SYTL1: variants seen among roughly 807,000 people sequenced by gnomAD.
SYTL1 encodes the protein synaptotagmin like 1, also known as synaptotagmin-like protein 1.
In SYTL1, 53 loss-of-function variants were observed where a neutral mutation model predicts 74.6. The ratio of observed to expected loss-of-function variants is 0.71; its 90% CI spans 0.57 to 0.89. SYTL1 has a LOEUF of 0.89. Among genes scored for constraint, SYTL1 ranks in the 40% least tolerant of loss-of-function variants. SYTL1 has a pLI of 0.00. For synonymous variants in SYTL1, 329 were observed against 324.9 expected (o/e 1.01, Z -0.14); for missense variants, 728 against 768.7 (o/e 0.95, Z 0.63).
chr1:27,350,158 G>A lies in SYTL1; in HGVS notation c.908+26G>A. On this transcript the variant is annotated intron_variant, in intron 9 of 14. Coordinates refer to ENST00000616558, the MANE Select transcript of SYTL1 (RefSeq NM_001193308.2). This position sits in a 1 kb window ranked among gnomAD's most constrained non-coding sequence, Gnocchi z 6.3. ...GTGAGTGCCCCGCCGGCCAAGCGGG[G>A]CGCGGCTGTCACAGCCCAGCCCACC... The A allele has an allele frequency of 7.1e-7, 1 of 1,417,414 alleles. No individual in the cohort carries two copies. The highest frequency in any genetic ancestry group is 9.2e-7 in the Non-Finnish European group (1 of 1,085,590). 87.8% of individuals were successfully genotyped at this position (1,417,414 alleles called of 1,614,324 possible). A position where few individuals can be genotyped will look rare whatever the true frequency, so the allele number is the denominator to read the frequency against.
chr1:27,351,072 A>C lies in SYTL1; in HGVS notation c.1164+120A>C. The stretch of plus-strand genomic sequence containing the variant: ...GACAGAACCTCCCCTCAACCTCTTA[A>C]CCTCATGGCCCCAGGCGAAGCCCGG... On this transcript the variant is annotated intron_variant, in intron 11 of 14. Transcript: ENST00000616558. The surrounding 1 kb of genome is among the most constrained non-coding windows in gnomAD (Gnocchi z 5.0). The C allele has an allele frequency of 2.2e-6, 3 of 1,359,874 alleles. No homozygotes were observed. Among genetic ancestry groups the C allele is most frequent in the Non-Finnish European group, 3.0e-6 (3 of 998,782 alleles). The allele number at this position is 1,359,874 out of a possible 1,614,324, so 84.2% of individuals were successfully genotyped here. A position where few individuals can be genotyped will look rare whatever the true frequency, so the allele number is the denominator to read the frequency against.
At position 27,347,624 on chromosome 1, in the gene SYTL1, G is replaced by C; in HGVS notation, c.340+55G>C. On this transcript the variant is annotated intron_variant, in intron 3 of 14. Transcript: ENST00000616558. This position sits in a 1 kb window ranked among gnomAD's most constrained non-coding sequence, Gnocchi z 4.9. Reference sequence around the variant, plus strand: ...CCATGTGCCGTCCAGGGCGCTGGCTGTATGTGGACAGGGAGAGAGGACCAC... The same window carrying C: ...CCATGTGCCGTCCAGGGCGCTGGCTCTATGTGGACAGGGAGAGAGGACCAC... 1.3e-6 allele frequency: 2 copies of C among 1,544,854 alleles called. No homozygotes were observed. The highest frequency in any genetic ancestry group is 1.8e-6 in the Non-Finnish European group (2 of 1,137,826).
chr1:27,350,083 G>A lies in SYTL1; in HGVS notation c.859G>A (p.Val287Met), dbSNP rs1346882249. 2.0e-6 allele frequency: 3 copies of A among 1,483,684 alleles called. No homozygotes were observed. The highest frequency in any genetic ancestry group is 2.7e-6 in the Non-Finnish European group (3 of 1,123,124). 91.9% of individuals were successfully genotyped at this position (1,483,684 alleles called of 1,614,324 possible). Residue 287 changes from valine to methionine, a missense_variant, in exon 9 of 15, where the codon GTG becomes ATG. By Grantham distance (21) the Val-to-Met change is conservative (BLOSUM62 1). Transcript: ENST00000616558. The surrounding 1 kb of genome is among the most constrained non-coding windows in gnomAD (Gnocchi z 6.3). Reference protein sequence around the residue: ...EPGAAELRVHVIQCQGLAAAR... With the variant: ...EPGAAELRVHMIQCQGLAAAR... Reference sequence around the variant, plus strand: ...GGGCGCCGCCGAGCTGCGCGTGCACGTGATCCAGTGCCAGGGCCTGGCCGC... The same window carrying A: ...GGGCGCCGCCGAGCTGCGCGTGCACATGATCCAGTGCCAGGGCCTGGCCGC...
Position 27,350,432 on chromosome 1 carries a change from A to G in SYTL1, c.952A>G (p.Lys318Glu). The change falls in exon 10 of 15, where the codon AAG (lysine) becomes GAG (glutamate). Residue 318 changes from lysine (K) to glutamate (E), a missense_variant. Transcript: ENST00000616558. The surrounding 1 kb of genome is among the most constrained non-coding windows in gnomAD (Gnocchi z 6.3). ...YLLPDKQSKR[K>E]TAVKKRNLNP... The stretch of plus-strand genomic sequence containing the variant: ...CCTCCCGGATAAGCAGAGCAAGCGC[A>G]AGACGGCGGTGAAGAAACGGAATCT... The G allele has an allele frequency of 1.2e-6, 2 of 1,614,152 alleles. No homozygotes were observed. The highest frequency in any genetic ancestry group is 1.1e-5 in the South Asian group (1 of 91,090).
rs778162552 is a variant in SYTL1, at chr1:27,351,409, G to T, written c.1244-47G>T. 2.5e-4 allele frequency: 380 copies of T among 1,504,528 alleles called. 3 individuals carry two copies. The highest frequency in any genetic ancestry group is 2.3e-4 in the Non-Finnish European group (262 of 1,120,902). The allele number at this position is 1,504,528 out of a possible 1,614,324, so 93.2% of individuals were successfully genotyped here. A position where few individuals can be genotyped will look rare whatever the true frequency, so the allele number is the denominator to read the frequency against. On this transcript the variant is annotated intron_variant, in intron 12 of 14. Coordinates refer to ENST00000616558, the MANE Select transcript of SYTL1 (RefSeq NM_001193308.2). The surrounding 1 kb of genome is among the most constrained non-coding windows in gnomAD (Gnocchi z 5.0). The stretch of plus-strand genomic sequence containing the variant: ...GAGACTCCAGTCCCCGGGTTTGGGG[G>T]CGGTGGACTCCATCCGTGTGCGGGC...
At position 27,350,323 on chromosome 1, in the gene SYTL1, G is replaced by C. The variant is rs777941909; in HGVS notation, c.909-66G>C. ...CACGTGTTCGGGATGGTGGCTGGGG[G>C]AGCCCACAGGCAGGGGAGAAGGCTC... is the stretch of plus-strand genomic sequence containing the variant. On this transcript the variant is annotated intron_variant, in intron 9 of 14. Coordinates refer to ENST00000616558, the MANE Select transcript of SYTL1 (RefSeq NM_001193308.2). This position sits in a 1 kb window ranked among gnomAD's most constrained non-coding sequence, Gnocchi z 6.3. The C allele has an allele frequency of 4.6e-6, 7 of 1,525,110 alleles. No homozygotes were observed. The South Asian group carries it at 7.8e-5, about 17-fold the overall frequency. The allele number at this position is 1,525,110 out of a possible 1,614,324, so 94.5% of individuals were successfully genotyped here.
Position 27,353,701 on chromosome 1 carries a change from A to T in SYTL1, c.1550-12A>T. The T allele has an allele frequency of 1.2e-6, 2 of 1,609,686 alleles. No individual in the cohort carries two copies. Among genetic ancestry groups the T allele is most frequent in the South Asian group, 2.2e-5 (2 of 90,850 alleles). On this transcript the variant is annotated splice_polypyrimidine_tract_variant and intron_variant, in intron 14 of 14. Coordinates refer to ENST00000616558, the MANE Select transcript of SYTL1 (RefSeq NM_001193308.2). ...GTGATCATGCCCTCAACCCCTGCCC[A>T]CCCACATCCAGGCAGCAGCTATGGG... is the stretch of plus-strand genomic sequence containing the variant.
intron 1 of SYTL1, among the ~76,000 whole-genome samples, chr1:27,344,367 T>C (rs1178726802): frequency 6.6e-6 from 1 of 152,020 alleles, no homozygotes; most frequent in Non-Finnish European, 1.5e-5. Flanking sequence ...CATCCCAAAG[T>C]GCTGGGATTA....
In SYTL1 at chr1:27,350,356, GC is replaced by G; in HGVS notation, c.909-29del. On this transcript the variant is annotated intron_variant, in intron 9 of 14. Coordinates refer to ENST00000616558, the MANE Select transcript of SYTL1 (RefSeq NM_001193308.2). This position sits in a 1 kb window ranked among gnomAD's most constrained non-coding sequence, Gnocchi z 6.3. ...AGGCAGGGGAGAAGGCTCTGGGAGG[GC>G]CCCTCCTCACCTCGGGTTCTCACCT... 6.3e-7 allele frequency: 1 copy of G among 1,590,092 alleles called. No homozygotes were observed. Among genetic ancestry groups the G allele is most frequent in the Non-Finnish European group, 8.6e-7 (1 of 1,158,202 alleles).
chr1:27,344,475 A>C (rs186587986), intron 1 of SYTL1, among the ~76,000 whole-genome samples: 3 of 150,736 alleles, frequency 2.0e-5, no homozygotes, highest in Admixed American at 2.0e-4. Flanking sequence ...TCCTGACCTC[A>C]GGTGATCGGC....
Position 27,350,311 on chromosome 1 carries a change from T to C in SYTL1, c.909-78T>C. The C allele has an allele frequency of 6.6e-7, 1 of 1,515,074 alleles. No homozygotes were observed. Among genetic ancestry groups the C allele is most frequent in the Non-Finnish European group, 9.2e-7 (1 of 1,089,850 alleles). 93.9% of individuals were successfully genotyped at this position (1,515,074 alleles called of 1,614,324 possible). A position where few individuals can be genotyped will look rare whatever the true frequency, so the allele number is the denominator to read the frequency against. On this transcript the variant is annotated intron_variant, in intron 9 of 14. Transcript: ENST00000616558. The surrounding 1 kb of genome is among the most constrained non-coding windows in gnomAD (Gnocchi z 6.3). ...CACGAGGCCTGGCACGTGTTCGGGA[T>C]GGTGGCTGGGGGAGCCCACAGGCAG...
intron 7 of SYTL1, 74 bp downstream of exon 7, chr1:27,349,572 C>A: frequency 6.7e-7 from 1 of 1,488,272 alleles, no homozygotes; most frequent in Non-Finnish European, 9.0e-7. Context: ...CTGCCCAGGG[C>A]TGCGAGCCGC....
At chr1:27,352,813 T>G in intron 13 of SYTL1, 1 of 159,470 alleles carries the variant, frequency 6.3e-6, no homozygotes, top group Non-Finnish European at 1.4e-5. Context: ...TAAGATGCAG[T>G]CTCACTCTGT....
Position 27,351,793 on chromosome 1 carries a change from G to A in SYTL1, c.1343+238G>A, listed in dbSNP as rs539938076. The stretch of plus-strand genomic sequence containing the variant: ...ACTTGTTGAAAAGCTGAGGCTGAGG[G>A]CTGCAAGGGTCCTTCCATAGAGAAC... On this transcript the variant is annotated intron_variant, in intron 13 of 14. Transcript: ENST00000616558. The surrounding 1 kb of genome is among the most constrained non-coding windows in gnomAD (Gnocchi z 5.0). 2.3e-6 allele frequency: 1 copy of A among 442,204 alleles called. No individual in the cohort carries two copies. Among genetic ancestry groups the A allele is most frequent in the Admixed American group, 4.1e-5 (1 of 24,260 alleles). The allele number at this position is 442,204 out of a possible 1,614,324, so 27.4% of individuals were successfully genotyped here.
rs2015091849 is a variant in SYTL1 at position 27,348,365 on chromosome 1, A to G, written c.459+353A>G. ...TGTGGGAGGATCGCTTGAGCCGAGGAGTTCAAGACCAGCCTGGGCAACATA... is the reference window on the plus strand; with the variant it reads ...TGTGGGAGGATCGCTTGAGCCGAGGGGTTCAAGACCAGCCTGGGCAACATA... On this transcript the variant is annotated intron_variant, in intron 5 of 14. Transcript: ENST00000616558. The surrounding 1 kb of genome is among the most constrained non-coding windows in gnomAD (Gnocchi z 4.1). Among the ~76,000 whole-genome samples the G allele has an allele frequency of 1.3e-5, 2 of 151,828 alleles. No individual in the cohort carries two copies.
rs561157385 is a variant in SYTL1 at position 27,342,964 on chromosome 1, T to G, written c.-39+814T>G. ...AGCACACAGGTATCCACAGAGTGAA[T>G]GCACACCGTGCAGCCGTGCTGAGGC... On this transcript the variant is annotated intron_variant, in intron 1 of 14. Transcript: ENST00000616558. The surrounding 1 kb of genome is among the most constrained non-coding windows in gnomAD (Gnocchi z 4.7). Among the ~76,000 whole-genome samples the G allele has an allele frequency of 6.6e-6, 1 of 152,372 alleles. No individual in the cohort carries two copies.
In SYTL1 at chr1:27,353,815, T is replaced by G. The variant is rs754970189; in HGVS notation, c.1652T>G (p.Leu551Arg). The G allele has an allele frequency of 6.2e-6, 10 of 1,613,714 alleles. No homozygotes were observed. Among genetic ancestry groups the G allele is most frequent in the Non-Finnish European group, 8.5e-6 (10 of 1,179,776 alleles). Residue 551 changes from leucine (L) to arginine (R), a missense_variant, in exon 15 of 15, where the codon CTT becomes CGT. Coordinates refer to ENST00000616558, the MANE Select transcript of SYTL1 (RefSeq NM_001193308.2). ...LEQPCEWVDG[L>R]LPLRTNLAPR... ...CAGCCGTGCGAATGGGTGGATGGCC[T>G]TCTACCCCTCAGAACCAACCTGGCC...
chr1:27,342,755 G>A lies in SYTL1; in HGVS notation c.-39+605G>A, dbSNP rs901340845. Among the ~76,000 whole-genome samples the A allele has an allele frequency of 1.3e-5, 2 of 152,298 alleles. No individual in the cohort carries two copies. The highest frequency in any genetic ancestry group is 2.4e-5 in the African/African-American group (1 of 41,568). ...GCAACTACACAGCTCACAGACTCAC[G>A]CAACGCAGACATGCCCACCAGACTC... On this transcript the variant is annotated intron_variant, in intron 1 of 14. Coordinates refer to ENST00000616558, the MANE Select transcript of SYTL1 (RefSeq NM_001193308.2). This position sits in a 1 kb window ranked among gnomAD's most constrained non-coding sequence, Gnocchi z 4.7.
chr1:27,350,853 C>A lies in SYTL1; in HGVS notation c.1065C>A (p.Arg355=), dbSNP rs1211013441. ...TGCTGAGCCTGTCTGTGTGGCACCG[C>A]GAAAGCCTGGGTCGCAACATCTTTC... ...GRVLSLSVWH[R]ESLGRNIFLG... Residue 355 remains arginine (R), a synonymous_variant, in exon 11 of 15, where the codon CGC becomes CGA. Transcript: ENST00000616558. This position sits in a 1 kb window ranked among gnomAD's most constrained non-coding sequence, Gnocchi z 6.3. 1 of 1,613,862 alleles carries A rather than the reference C, an allele frequency of 6.2e-7. No homozygotes were observed. The highest frequency in any genetic ancestry group is 1.1e-5 in the South Asian group (1 of 91,086).
Sources: gnomAD v4.1 joint callset for allele counts (sites outside exome capture counted in the v4.1 genomes callset) on GRCh38, gnomAD v4.1.1 for gene constraint, Gnocchi (gnomAD v3.1) non-coding constraint, MANE v1.5 for transcripts, NCBI Gene and HGNC (gene_info 2026-07-23, HGNC 2026-07-21) for gene names.